Variants in STX2 observed in about 807,000 individuals in gnomAD.
The protein encoded by STX2 is syntaxin-2.
Under a neutral mutation model 40.6 loss-of-function variants are expected in STX2, and 27 were observed. That is an observed-to-expected ratio of 0.66 (90% CI 0.49 to 0.92). The LOEUF (loss-of-function observed/expected upper bound fraction) is 0.92, where lower values mean the gene tolerates loss of function less well. STX2 is among the 40% of genes least tolerant of loss of function. STX2 has a pLI of 0.00. For synonymous variants in STX2, 123 were observed against 119.1 expected, an observed-to-expected ratio of 1.03 and a Z score of -0.22; for missense variants, 328 against 366.1, an observed-to-expected ratio of 0.90 and a Z score of 0.85.
chr12:130,818,185 A>AAAAATATAT, intron 3 of STX2, among the ~76,000 whole-genome samples: 18 of 70,522 alleles, frequency 2.6e-4, no homozygotes, highest in African/African-American at 1.1e-3. Context: ...AAAAAAAAAA[A>AAAAATATAT]ATATATATAT....
At position 130,801,188 on chromosome 12, in the gene STX2, T is replaced by C; in HGVS notation, c.640A>G (p.Met214Val). 6.2e-7 allele frequency: 1 copy of C among 1,613,890 alleles called. No homozygotes were observed. The highest frequency in any genetic ancestry group is 8.5e-7 in the Non-Finnish European group (1 of 1,179,824). The change falls in exon 8 of 11, where the codon ATG (methionine) becomes GTG (valine). Residue 214 changes from methionine to valine, a missense_variant. Transcript: ENST00000392373. ...LETSIRELHE[M>V]FMDMAMFVET... is the part of the protein sequence containing the mutation. ...ACAAACATAGCCATGTCCATGAACATCTCATGCAACTCTCGGATGCTGGTC... is the reference window on the plus strand; with the variant it reads ...ACAAACATAGCCATGTCCATGAACACCTCATGCAACTCTCGGATGCTGGTC...
chr12:130,827,132 T>TGG (rs1055814641), intron 2 of STX2, 61 bp downstream of exon 2: 1 of 484,712 alleles, frequency 2.1e-6, no homozygotes, highest in Non-Finnish European at 3.3e-6. Flanking sequence ...GAGGGAGGGG[T>TGG]GGGGGGAGGG....
At chr12:130,792,035 T>C (rs1178208817) in intron 10 of STX2, 58 bp from the exon 11 acceptor site, 5 of 1,189,984 alleles carry the variant, frequency 4.2e-6, no homozygotes, top group Admixed American at 3.7e-5. Context: ...ACAATGGCAT[T>C]TGCTAACTAA....
At chr12:130,812,833 T>C (rs1410749893) in intron 4 of STX2, 124 bp downstream of exon 4, 1 of 688,602 alleles carries the variant, frequency 1.5e-6, no homozygotes, top group African/African-American at 1.9e-5. Flanking sequence ...ATACAAATAA[T>C]TTATTTTAAA....
At chr12:130,807,988 A>C (rs1951505014) in intron 5 of STX2, among the ~76,000 whole-genome samples, 1 of 152,146 alleles carries the variant, frequency 6.6e-6, no homozygotes, top group Admixed American at 6.5e-5. Context: ...TTCAGAATCC[A>C]TATCCCCCCC....
Position 130,839,171 on chromosome 12 carries a change from T to G in STX2, c.-72A>C. ...CTGCCTCCGGCCGGGCCTCGGGCTC[T>G]CCGGTCTCCGCCTCAGGCCCCGCGG... On this transcript the variant is annotated 5_prime_UTR_variant, in exon 1 of 11. Transcript: ENST00000392373. 8.9e-7 allele frequency: 1 copy of G among 1,123,624 alleles called. No homozygotes were observed. Among genetic ancestry groups the G allele is most frequent in the Non-Finnish European group, 1.1e-6 (1 of 917,378 alleles). 69.6% of individuals were successfully genotyped at this position (1,123,624 alleles called of 1,614,324 possible).
chr12:130,802,667 TA>T (rs1451007053), intron 6 of STX2, among the ~76,000 whole-genome samples: 4 of 152,046 alleles, frequency 2.6e-5, no homozygotes, highest in African/African-American at 9.7e-5. Flanking sequence ...GGTTTATTTT[TA>T]TTTTTTTTTA....
At chr12:130,827,407 C>G (rs1055887649) in intron 1 of STX2, 140 bp from the exon 2 acceptor site, 10 of 632,484 alleles carry the variant, frequency 1.6e-5, no homozygotes, top group Admixed American at 4.9e-5. Context: ...GCAGCCACCA[C>G]TATCTACTCC....
intron 4 of STX2, among the ~76,000 whole-genome samples, chr12:130,809,411 A>C (rs1951561869): frequency 2.0e-5 from 3 of 152,242 alleles, no homozygotes; most frequent in Non-Finnish European, 2.9e-5. Context: ...TGACGTCAGA[A>C]TGACATAAAT....
intron 5 of STX2, 40 bp downstream of exon 5, chr12:130,808,591 C>A: frequency 6.5e-7 from 1 of 1,549,734 alleles, no homozygotes; most frequent in Non-Finnish European, 8.8e-7. Flanking sequence ...AACACTTATT[C>A]TGCGACATTA....
In STX2 at chr12:130,808,563, C is replaced by T. The variant is rs993979056; in HGVS notation, c.354+68G>A. The T allele has an allele frequency of 4.1e-5, 54 of 1,331,486 alleles. No homozygotes were observed. The African/African-American group carries it at 6.3e-4, about 16-fold the overall frequency. 82.5% of individuals were successfully genotyped at this position (1,331,486 alleles called of 1,614,324 possible). On this transcript the variant is annotated intron_variant, in intron 5 of 10. Coordinates refer to ENST00000392373, the MANE Select transcript of STX2 (RefSeq NM_194356.4). ...CAGTAAAGATGAAATTATTCAGAGT[C>T]TGCAAGAAGAAAGTAAAAACACTTA...
intron 3 of STX2, among the ~76,000 whole-genome samples, chr12:130,813,930 G>A (rs965068547): frequency 6.6e-6 from 1 of 152,154 alleles, no homozygotes; most frequent in African/African-American, 2.4e-5. Flanking sequence ...CATCAGCCGG[G>A]GAAAAGGCAA....
intron 9 of STX2, 163 bp downstream of exon 9, chr12:130,798,362 C>T (rs953202264): frequency 7.6e-5 from 36 of 470,868 alleles, no homozygotes; most frequent in African/African-American, 6.9e-4. Flanking sequence ...ATCTAATAAA[C>T]CTTTTAAATT....
chr12:130,831,164 A>G (rs1952542533), intron 1 of STX2, among the ~76,000 whole-genome samples: 2 of 152,250 alleles, frequency 1.3e-5, no homozygotes, highest in South Asian at 4.1e-4. Flanking sequence ...CAGAATCCAA[A>G]GCTGGACAGA....
intron 2 of STX2, among the ~76,000 whole-genome samples, chr12:130,826,976 T>C (rs2136335828): frequency 6.7e-6 from 1 of 149,808 alleles, no homozygotes; most frequent in South Asian, 2.1e-4. Flanking sequence ...GCCACTGCAC[T>C]CCAGCCTGGG....
intron 1 of STX2, among the ~76,000 whole-genome samples, chr12:130,835,819 T>C (rs781032027): frequency 2.0e-5 from 3 of 152,214 alleles, no homozygotes; most frequent in African/African-American, 4.8e-5. Context: ...AAACTTTCTA[T>C]GCCCAAATGA....
chr12:130,801,479 G>T lies in STX2; in HGVS notation c.473C>A (p.Thr158Asn). The T allele has an allele frequency of 6.2e-7, 1 of 1,602,596 alleles. No individual in the cohort carries two copies. ...CTCTTCTAGCTCGTCGTCTGTGGTG[G>T]TTCTCCCAGCTGAAAGACCCGCAAC... The part of the protein sequence containing the change: ...IQRQLEITGR[T>N]TTDDELEEML... Residue 158 changes from threonine to asparagine, a missense_variant, in exon 7 of 11, where the codon ACC becomes AAC. Coordinates refer to ENST00000392373, the MANE Select transcript of STX2 (RefSeq NM_194356.4).
At position 130,801,086 on chromosome 12, in the gene STX2, G is replaced by A. The variant is rs116366254; in HGVS notation, c.675+67C>T. On this transcript the variant is annotated intron_variant, in intron 8 of 10. Transcript: ENST00000392373. ...TTCCTAGATACATCCACTAGACAGA[G>A]TGGGATGCAGTAAGATTTTACACAT... The A allele has an allele frequency of 1.7e-3, 2,620 of 1,527,952 alleles. 36 individuals carry two copies. The African/African-American group carries it at 0.032, about 19-fold the overall frequency. The allele number at this position is 1,527,952 out of a possible 1,614,324, so 94.6% of individuals were successfully genotyped here.
At chr12:130,834,185 A>G (rs1229803818) in intron 1 of STX2, among the ~76,000 whole-genome samples, 2 of 152,116 alleles carry the variant, frequency 1.3e-5, no homozygotes, top group Non-Finnish European at 2.9e-5. Context: ...GGAGTTCGAG[A>G]CCAGCCTGGC....
Sources: allele counts gnomAD v4.1 joint callset (sites outside exome capture counted in the v4.1 genomes callset), GRCh38; gene constraint gnomAD v4.1.1; transcripts MANE v1.5; gene names NCBI Gene and HGNC (gene_info 2026-07-23, HGNC 2026-07-21).